Variants in DRC2 observed in about 807,000 individuals in gnomAD.
DRC2 encodes dynein regulatory complex subunit 2.
the DRC2 span, among the ~76,000 whole-genome samples, chr12:48,916,685 A>C: frequency 6.7e-6 from 1 of 150,308 alleles, no homozygotes; most frequent in Admixed American, 6.6e-5. Context: ...CAACTATCAA[A>C]ATCCTACCCA....
the DRC2 span, chr12:48,904,151 G>T: frequency 2.9e-6 from 2 of 692,184 alleles, no homozygotes; most frequent in Non-Finnish European, 2.4e-6. Context: ...CTTACAGTGG[G>T]AGAGCTCAGC....
chr12:48,917,036 G>A, the DRC2 span: 8 of 1,614,024 alleles, frequency 5.0e-6, no homozygotes, highest in African/African-American at 1.3e-5. Flanking sequence ...TGGCCATGGA[G>A]CAGAACTATA....
the DRC2 span, among the ~76,000 whole-genome samples, chr12:48,912,436 T>TTAAAAAAAAAAAAAAAAAA: frequency 4.9e-4 from 1 of 2,050 alleles, no homozygotes; most frequent in Non-Finnish European, 2.7e-3. Context: ...AGACGCCGTC[T>TTAAAAAAAAAAAAAAAAAA]CAAAAAAAAA....
At chr12:48,908,198 G>A in the DRC2 span, among the ~76,000 whole-genome samples, 1 of 152,076 alleles carries the variant, frequency 6.6e-6, no homozygotes, top group Admixed American at 6.6e-5. Flanking sequence ...GACCACAGGA[G>A]CATACCACCT....
At chr12:48,920,111 T>TAAAA in the DRC2 span, among the ~76,000 whole-genome samples, 12 of 32,070 alleles carry the variant, frequency 3.7e-4, no homozygotes, top group Non-Finnish European at 4.1e-4. Flanking sequence ...AGACCCTGTC[T>TAAAA]AAAAAAAAAA....
the DRC2 span, chr12:48,914,696 C>A: frequency 1.2e-6 from 1 of 823,204 alleles, no homozygotes; most frequent in Non-Finnish European, 1.8e-6. Context: ...TATCACGGGA[C>A]CCCCAGCAGA....
At chr12:48,912,316 G>T in the DRC2 span, among the ~76,000 whole-genome samples, 3 of 151,198 alleles carry the variant, frequency 2.0e-5, no homozygotes, top group South Asian at 6.3e-4. Context: ...TGTAGTCCCA[G>T]CTACTCAGGA....
At chr12:48,912,947 C>G in the DRC2 span, among the ~76,000 whole-genome samples, 2 of 151,906 alleles carry the variant, frequency 1.3e-5, no homozygotes, top group African/African-American at 4.8e-5. Context: ...ACCATCCTGG[C>G]CAACATGGTG....
the DRC2 span, among the ~76,000 whole-genome samples, chr12:48,906,636 G>C: frequency 6.6e-6 from 1 of 151,506 alleles, no homozygotes; most frequent in Non-Finnish European, 1.5e-5. Context: ...CGCGATCTCG[G>C]CTCACTGCAA....
the DRC2 span, among the ~76,000 whole-genome samples, chr12:48,905,763 T>G: frequency 6.6e-6 from 1 of 152,140 alleles, no homozygotes; most frequent in Non-Finnish European, 1.5e-5. Flanking sequence ...TCCTTAGTCT[T>G]TTCCATTATT....
the DRC2 span, chr12:48,921,055 A>T: frequency 5.6e-6 from 9 of 1,612,638 alleles, no homozygotes; most frequent in East Asian, 2.0e-4. Context: ...AGAATAATCT[A>T]GAAGAGCTTA....
At chr12:48,912,224 G>A in the DRC2 span, among the ~76,000 whole-genome samples, 1 of 151,778 alleles carries the variant, frequency 6.6e-6, no homozygotes, top group Non-Finnish European at 1.5e-5. Flanking sequence ...TCGCACCACT[G>A]CACTCCAGCC....
the DRC2 span, chr12:48,918,716 T>C: frequency 1.2e-6 from 2 of 1,613,800 alleles, no homozygotes; most frequent in African/African-American, 2.7e-5. Flanking sequence ...GGCAAGATCA[T>C]GATACACAGC....
the DRC2 span, chr12:48,914,665 C>A: frequency 1.7e-6 from 2 of 1,167,390 alleles, no homozygotes; most frequent in African/African-American, 1.5e-5. Flanking sequence ...TGGCTAGTAT[C>A]TTGGAGCATC....
At chr12:48,920,998 T>G in the DRC2 span, 2 of 1,613,936 alleles carry the variant, frequency 1.2e-6, no homozygotes, top group Non-Finnish European at 1.7e-6. Flanking sequence ...AAGTGCTGCC[T>G]TTTTATTCAT....
chr12:48,918,162 C>T, the DRC2 span: 1 of 952,042 alleles, frequency 1.1e-6, no homozygotes, highest in African/African-American at 1.6e-5. Context: ...TCATGGGAGA[C>T]CTCTGTACTA....
chr12:48,915,114 C>CTTTT, the DRC2 span, among the ~76,000 whole-genome samples: 14 of 133,902 alleles, frequency 1.0e-4, no homozygotes, highest in African/African-American at 1.7e-4. Context: ...CACTTTCTTT[C>CTTTT]TTTTTTTTTT....
the DRC2 span, chr12:48,918,228 C>A: frequency 6.3e-7 from 1 of 1,577,482 alleles, no homozygotes; most frequent in East Asian, 2.2e-5. Context: ...TGAAAGGGCA[C>A]TAATAAGGTA....
chr12:48,904,435 AAAG>A, the DRC2 span: 12 of 1,614,012 alleles, frequency 7.4e-6, no homozygotes, highest in South Asian at 1.1e-5. Flanking sequence ...AGATGGCCAA[AAAG>A]AAGGAGAGGC....
Sources: allele counts gnomAD v4.1 joint callset (sites outside exome capture counted in the v4.1 genomes callset), GRCh38; gene constraint gnomAD v4.1.1; transcripts MANE v1.5; gene names NCBI Gene and HGNC (gene_info 2026-07-23, HGNC 2026-07-21).